The following HSPA4 variants were observed in gnomAD, a reference collection of about 807,000 sequenced individuals.
HSPA4 encodes the protein heat shock 70 kDa protein 4.
A neutral mutation model predicts 106.2 loss-of-function variants in HSPA4; 25 were observed. That is an observed-to-expected ratio of 0.24 (90% CI 0.17 to 0.33). HSPA4 has a LOEUF of 0.33. Ranked by LOEUF, HSPA4 falls within the 10% of genes least tolerant of loss-of-function variation. The pLI, the probability that HSPA4 is intolerant of heterozygous loss-of-function variation, is 1.00. For synonymous variants in HSPA4, 332 were observed against 333.6 expected, an observed-to-expected ratio of 1.00 and a Z score of 0.05; for missense variants, 841 against 996.0, an observed-to-expected ratio of 0.84 and a Z score of 2.10.
rs750178519 is a variant in HSPA4, at chr5:133,105,533, A to G, written c.*1097A>G. 17 of 152,270 alleles carry G rather than the reference A, an allele frequency of 1.1e-4. No homozygotes were observed. Among genetic ancestry groups the G allele is most frequent in the Admixed American group, 2.0e-4 (3 of 15,296 alleles). The allele number at this position is 152,270 out of a possible 1,614,324, so 9.4% of individuals were successfully genotyped here. A position where few individuals can be genotyped will look rare whatever the true frequency, so the allele number is the denominator to read the frequency against. On this transcript the variant is annotated 3_prime_UTR_variant, in exon 19 of 19. Transcript: ENST00000304858. ...CACCTCATTCTTAACTGTGTGGCCAATGTCAGGTATACCAAAGCATTCCTC... is the reference window on the plus strand; with the variant it reads ...CACCTCATTCTTAACTGTGTGGCCAGTGTCAGGTATACCAAAGCATTCCTC...
Position 133,062,409 on chromosome 5 carries a change from AG to A in HSPA4, c.108-2570del, listed in dbSNP as rs1195666961. ...ATGGTGGGATATACCTTAGAAATTTAGATCTGGTGGTATTTAGAAAGATGGA... is the reference window on the plus strand; with the variant it reads ...ATGGTGGGATATACCTTAGAAATTTAATCTGGTGGTATTTAGAAAGATGGA... On this transcript the variant is annotated intron_variant, in intron 1 of 18. Coordinates refer to ENST00000304858, the MANE Select transcript of HSPA4 (RefSeq NM_002154.4). Among the ~76,000 whole-genome samples the A allele has an allele frequency of 2.0e-5, 3 of 152,330 alleles. No individual in the cohort carries two copies. In the East Asian group the frequency reaches 5.8e-4, roughly 29 times the overall value.
intron 17 of HSPA4, among the ~76,000 whole-genome samples, chr5:133,103,478 C>T (rs933221367): frequency 1.6e-4 from 24 of 152,030 alleles, no homozygotes; most frequent in African/African-American, 5.6e-4. Context: ...ACGTCAAAGG[C>T]CTTCTTTTAA....
chr5:133,078,060 C>T (rs900690687), intron 7 of HSPA4, among the ~76,000 whole-genome samples: 1 of 152,096 alleles, frequency 6.6e-6, no homozygotes, highest in Non-Finnish European at 1.5e-5. Flanking sequence ...TGGCCTGGTA[C>T]GGTGGCTCAC....
chr5:133,099,264 G>A (rs1459894922), intron 15 of HSPA4, among the ~76,000 whole-genome samples: 1 of 151,880 alleles, frequency 6.6e-6, no homozygotes, highest in Non-Finnish European at 1.5e-5. Flanking sequence ...GTAGTAGCTG[G>A]GATTACAGGT....
chr5:133,052,640 C>G, intron 1 of HSPA4: 2 of 408,790 alleles, frequency 4.9e-6, no homozygotes, highest in Non-Finnish European at 8.8e-6. Context: ...CGGGTAGGAA[C>G]TGGAAGGACT....
At chr5:133,092,606 C>G (rs901646148) in intron 12 of HSPA4, 94 bp from the exon 13 acceptor site, 7 of 837,960 alleles carry the variant, frequency 8.4e-6, no homozygotes, top group Non-Finnish European at 1.4e-5. Context: ...GCTGGTAATT[C>G]AGCAGGAATT....
In HSPA4 at chr5:133,106,080, ATT is replaced by A. The variant is rs1340471965; in HGVS notation, c.*1646_*1647del. ...ACAACTGGCCCAGACCGTAATGGCC[ATT>A]TCTTCTTAAAAAAAAAAAAATTTTT... On this transcript the variant is annotated 3_prime_UTR_variant, in exon 19 of 19. Transcript: ENST00000304858. 4 of 98,644 alleles carry A rather than the reference ATT, an allele frequency of 4.1e-5. No individual in the cohort carries two copies. The highest frequency in any genetic ancestry group is 1.3e-4 in the Admixed American group (1 of 7,936). 6.1% of individuals were successfully genotyped at this position (98,644 alleles called of 1,614,324 possible).
At chr5:133,054,194 GTTTA>G (rs536069906) in intron 1 of HSPA4, among the ~76,000 whole-genome samples, 9 of 151,676 alleles carry the variant, frequency 5.9e-5, no homozygotes, top group Admixed American at 2.0e-4. Flanking sequence ...CCCTATTAAG[GTTTA>G]TTTATTTATT....
Position 133,104,806 on chromosome 5 carries a change from CTAAT to C in HSPA4, c.*373_*376del. 1 of 211,298 alleles carries C rather than the reference CTAAT, an allele frequency of 4.7e-6. No homozygotes were observed. The highest frequency in any genetic ancestry group is 9.6e-6 in the Non-Finnish European group (1 of 103,936). The allele number at this position is 211,298 out of a possible 1,614,324, so 13.1% of individuals were successfully genotyped here. The stretch of plus-strand genomic sequence containing the variant: ...CATTATGACTTACATGGCAGGAGCT[CTAAT>C]TATGCTTTAAAAATCTGTTGTGGAG... On this transcript the variant is annotated 3_prime_UTR_variant, in exon 19 of 19. Transcript: ENST00000304858.
At chr5:133,097,926 T>A (rs4705880) in intron 15 of HSPA4, among the ~76,000 whole-genome samples, 38,313 of 150,860 alleles carry the variant, frequency 0.25, 5,031 homozygotes, top group African/African-American at 0.29. Flanking sequence ...TTTTTTTTTT[T>A]AATTTGAATA....
rs914462312 is a variant in HSPA4, at chr5:133,077,244, AT to A, written c.908+356del. On this transcript the variant is annotated intron_variant, in intron 7 of 18. Transcript: ENST00000304858. The stretch of plus-strand genomic sequence containing the variant: ...TTTACCCAGTGACTAAGAAATTGTA[AT>A]TTTTTTTTTGAGATGGAGGTTTTTG... Among the ~76,000 whole-genome samples, 15 of 150,436 alleles carry A rather than the reference AT, an allele frequency of 1.0e-4. 1 individual carries two copies. The highest frequency in any genetic ancestry group is 8.0e-4 in the Admixed American group (12 of 15,068).
chr5:133,066,670 G>A (rs1353168131), intron 2 of HSPA4, among the ~76,000 whole-genome samples: 4 of 139,252 alleles, frequency 2.9e-5, no homozygotes, highest in African/African-American at 1.1e-4. Flanking sequence ...TGTGTACTTA[G>A]TATGATTTTT....
At chr5:133,082,703 C>T (rs1272970823) in intron 7 of HSPA4, among the ~76,000 whole-genome samples, 1 of 152,162 alleles carries the variant, frequency 6.6e-6, no homozygotes, top group Non-Finnish European at 1.5e-5. Context: ...TGAGCTCGGC[C>T]ACCCTCCTCA....
chr5:133,059,832 A>G (rs533207155), intron 1 of HSPA4, among the ~76,000 whole-genome samples: 3 of 152,316 alleles, frequency 2.0e-5, no homozygotes, highest in South Asian at 4.1e-4. Context: ...AATGAGAACT[A>G]TGAAACAAGG....
In HSPA4 at chr5:133,089,660, C is replaced by T. The variant is rs536992614; in HGVS notation, c.1343C>T (p.Ser448Phe). ...EPFTLEAYYS[S>F]PQDLPYPDPA... ...TTCACTCTTGAGGCCTACTACAGCT[C>T]TCCTCAGGATTTGCCCTATCCAGAT... The change falls in exon 11 of 19, where the codon TCT becomes TTT. Residue 448 changes from serine to phenylalanine, a missense_variant. Around this residue, in one of 5 missense-constraint regions of HSPA4, gnomAD observed 162 missense variants for 177.7 expected, o/e 0.91. Transcript: ENST00000304858. 1.9e-6 allele frequency: 3 copies of T among 1,610,312 alleles called. No individual in the cohort carries two copies. In the East Asian group the frequency reaches 6.7e-5, roughly 36 times the overall value.
At chr5:133,082,278 A>G (rs1322866842) in intron 7 of HSPA4, among the ~76,000 whole-genome samples, 2 of 152,192 alleles carry the variant, frequency 1.3e-5, no homozygotes, top group Non-Finnish European at 2.9e-5. Flanking sequence ...AGTTGAGGAA[A>G]GTAACAGTTA....
At chr5:133,060,746 T>A (rs975176333) in intron 1 of HSPA4, among the ~76,000 whole-genome samples, 9 of 151,600 alleles carry the variant, frequency 5.9e-5, no homozygotes, top group African/African-American at 1.9e-4. Flanking sequence ...GACTTTTTTT[T>A]AAAATCCCAC....
At chr5:133,096,336 A>AT (rs1765711846) in intron 14 of HSPA4, 86 bp downstream of exon 14, 2 of 1,291,340 alleles carry the variant, frequency 1.5e-6, no homozygotes. Context: ...GACTTTTTGC[A>AT]TTTTTGATTG....
chr5:133,093,747 C>A (rs1250032614), intron 13 of HSPA4, among the ~76,000 whole-genome samples: 4 of 152,074 alleles, frequency 2.6e-5, no homozygotes, highest in Admixed American at 6.5e-5. Context: ...CACTTCAGCA[C>A]CCTGGGATTA....
Sources: gnomAD v4.1 joint callset for allele counts (sites outside exome capture counted in the v4.1 genomes callset) on GRCh38, gnomAD v4.1.1 for gene constraint, gnomAD v4.1.1 regional missense constraint, MANE v1.5 for transcripts, NCBI Gene and HGNC (gene_info 2026-07-23, HGNC 2026-07-21) for gene names.